GCN1: variants seen among roughly 807,000 people sequenced by gnomAD.
The protein encoded by GCN1 is stalled ribosome sensor GCN1.
Under a neutral mutation model 288.4 loss-of-function variants are expected in GCN1, and 90 were observed. The ratio of observed to expected loss-of-function variants is 0.31; its 90% CI spans 0.26 to 0.37. The LOEUF (loss-of-function observed/expected upper bound fraction) is 0.37, where lower values mean the gene tolerates loss of function less well. GCN1 is among the 10% of genes least tolerant of loss of function. GCN1 has a pLI of 1.00. For missense variants in GCN1, 2,586 were observed against 3,419.9 expected (o/e 0.76, Z 6.08); for synonymous variants, 1,386 against 1,420.2 (o/e 0.98, Z 0.54).
intron 57 of GCN1, among the ~76,000 whole-genome samples, chr12:120,129,002 T>C (rs1876718003): frequency 6.6e-6 from 1 of 152,020 alleles, no homozygotes; most frequent in Non-Finnish European, 1.5e-5. Context: ...CACGCCTGGC[T>C]AATTTTTTTG....
intron 2 of GCN1, among the ~76,000 whole-genome samples, chr12:120,189,322 C>T (rs934486294): frequency 6.6e-6 from 1 of 151,612 alleles, no homozygotes; most frequent in Non-Finnish European, 1.5e-5. Context: ...CCACTCGCCT[C>T]GGCCTCCCAA....
At chr12:120,169,295 A>AAAAAAAAAAAAAAAC in intron 15 of GCN1, among the ~76,000 whole-genome samples, 1 of 81,322 alleles carries the variant, frequency 1.2e-5, no homozygotes, top group African/African-American at 9.5e-5. Context: ...AAAAAAAAAA[A>AAAAAAAAAAAAAAAC]GAAAAAAAAA....
At chr12:120,149,459 C>T in intron 36 of GCN1, 147 bp downstream of exon 36, 1 of 615,012 alleles carries the variant, frequency 1.6e-6, no homozygotes, top group East Asian at 2.8e-5. Context: ...AGCAAGACTC[C>T]ATCTCAAATT....
chr12:120,184,732 G>T, intron 3 of GCN1, 92 bp downstream of exon 3: 1 of 919,208 alleles, frequency 1.1e-6, no homozygotes, highest in Non-Finnish European at 1.8e-6. Flanking sequence ...TTGGCACCAG[G>T]CAGTCTGGCT....
In GCN1 at chr12:120,150,057, A is replaced by T; in HGVS notation, c.4310-14T>A. 2 of 1,613,468 alleles carry T rather than the reference A, an allele frequency of 1.2e-6. No homozygotes were observed. The highest frequency in any genetic ancestry group is 1.7e-6 in the Non-Finnish European group (2 of 1,179,828). On this transcript the variant is annotated splice_polypyrimidine_tract_variant and intron_variant, in intron 34 of 57. Transcript: ENST00000300648. ...CAAAGAGGGCTCCTAGGGGAAAAGAAGGTGGGACGGCTGGGAAGAGAATGT... is the reference window on the plus strand; with the variant it reads ...CAAAGAGGGCTCCTAGGGGAAAAGATGGTGGGACGGCTGGGAAGAGAATGT...
chr12:120,173,087 T>C (rs1304538989), intron 14 of GCN1, among the ~76,000 whole-genome samples: 1 of 146,958 alleles, frequency 6.8e-6, no homozygotes, highest in Non-Finnish European at 1.5e-5. Context: ...CAAGACAGAG[T>C]CTTGCTCTGT....
chr12:120,190,457 G>T, intron 1 of GCN1, 57 bp from the exon 2 acceptor site: 2 of 908,566 alleles, frequency 2.2e-6, no homozygotes, highest in Non-Finnish European at 1.9e-6. Flanking sequence ...CTATGAGTGT[G>T]TGTGTTGAGG....
At chr12:120,180,804 C>T (rs150092938) in intron 5 of GCN1, among the ~76,000 whole-genome samples, 1,780 of 150,374 alleles carry the variant, frequency 0.012, 11 homozygotes, top group Non-Finnish European at 0.017. Context: ...CTGGCTAACA[C>T]GGTGAAACCC....
Position 120,155,204 on chromosome 12 carries a change from A to G in GCN1, c.3630+37T>C. 6.2e-7 allele frequency: 1 copy of G among 1,600,358 alleles called. No individual in the cohort carries two copies. The highest frequency in any genetic ancestry group is 8.6e-7 in the Non-Finnish European group (1 of 1,167,658). On this transcript the variant is annotated intron_variant, in intron 30 of 57. Transcript: ENST00000300648. This position sits in a 1 kb window ranked among gnomAD's most constrained non-coding sequence, Gnocchi z 4.9. ...TGAGCAGAGACCCACCCAACCGCAC[A>G]CACCCAGACTGCATCAGGGCTGCAC...
intron 24 of GCN1, among the ~76,000 whole-genome samples, chr12:120,159,041 G>A (rs1222350651): frequency 2.6e-5 from 4 of 151,534 alleles, no homozygotes; most frequent in African/African-American, 4.9e-5. Flanking sequence ...TTTCTGCTTC[G>A]CCAAAATGTC....
At position 120,129,454 on chromosome 12, in the gene GCN1, T is replaced by A. The variant is rs764611770; in HGVS notation, c.7712A>T (p.Glu2571Val). 4 of 1,614,082 alleles carry A rather than the reference T, an allele frequency of 2.5e-6. No homozygotes were observed. The highest frequency in any genetic ancestry group is 3.4e-6 in the Non-Finnish European group (4 of 1,179,938). Residue 2571 changes from glutamate to valine, a missense_variant, in exon 57 of 58, where the codon GAG becomes GTG. Transcript: ENST00000300648. ...NPSSDIRLVA[E>V]KMIWWANKDP... ...CTTATTTGCCCACCAGATCATCTTC[T>A]CAGCCACCAGCCTGATGTCGCTGGA...
chr12:120,164,799 T>C, intron 16 of GCN1, 78 bp from the exon 17 acceptor site: 1 of 844,828 alleles, frequency 1.2e-6, no homozygotes, highest in Non-Finnish European at 1.9e-6. Flanking sequence ...CAGAAATAAC[T>C]GGAATGAACT....
At position 120,157,908 on chromosome 12, in the gene GCN1, G is replaced by A; in HGVS notation, c.3028C>T (p.Leu1010Phe). 1 of 1,614,058 alleles carries A rather than the reference G, an allele frequency of 6.2e-7. No individual in the cohort carries two copies. ...GCCCTCAGCTGGGCTTGGACAGTGA[G>A]GATCTGAAGAATCTGGGCCATCCAC... Reference protein sequence around the residue: ...EEWMAQILQILTVQAQLRASP... With the variant: ...EEWMAQILQIFTVQAQLRASP... The change falls in exon 26 of 58, where the codon CTC (leucine) becomes TTC (phenylalanine). Residue 1010 changes from leucine (L) to phenylalanine (F), a missense_variant. By Grantham distance (22) the Leu-to-Phe change is conservative (BLOSUM62 0). This residue lies in a region of GCN1 where 153 missense variants were observed against 252.0 expected (regional missense o/e 0.61). Coordinates refer to ENST00000300648, the MANE Select transcript of GCN1 (RefSeq NM_006836.2).
rs1877838131 is a variant in GCN1, at chr12:120,158,876, G to A, written c.2750-261C>T. On this transcript the variant is annotated intron_variant, in intron 24 of 57. Transcript: ENST00000300648. This position sits in a 1 kb window ranked among gnomAD's most constrained non-coding sequence, Gnocchi z 4.3. Reference sequence around the variant, plus strand: ...AAATACAAAAAATTAGCTGGGCGTGGTGACGGGCGCCTGTAGTCCCAGCTA... The same window carrying A: ...AAATACAAAAAATTAGCTGGGCGTGATGACGGGCGCCTGTAGTCCCAGCTA... 6.6e-6 allele frequency among the ~76,000 whole-genome samples: 1 copy of A among 151,998 alleles called. No homozygotes were observed. Among genetic ancestry groups the A allele is most frequent in the Non-Finnish European group, 1.5e-5 (1 of 67,998 alleles).
In GCN1 at chr12:120,149,840, C is replaced by T; in HGVS notation, c.4431+82G>A. 3 of 1,570,108 alleles carry T rather than the reference C, an allele frequency of 1.9e-6. No individual in the cohort carries two copies. In the Admixed American group the frequency reaches 5.0e-5, roughly 26 times the overall value. On this transcript the variant is annotated intron_variant, in intron 35 of 57. Transcript: ENST00000300648. The stretch of plus-strand genomic sequence containing the variant: ...TACTGGGGTTCTATTATGTCAGACC[C>T]TGTGCCAAGGCCTGCAGACACAGCT...
In GCN1 at chr12:120,174,118, A is replaced by G; in HGVS notation, c.1145T>C (p.Leu382Pro). Residue 382 changes from leucine (L) to proline (P), a missense_variant, in exon 13 of 58, where the codon CTG (leucine) becomes CCG (proline). By Grantham distance (98) the Leu-to-Pro change is moderately conservative (BLOSUM62 -3). Coordinates refer to ENST00000300648, the MANE Select transcript of GCN1 (RefSeq NM_006836.2). The stretch of plus-strand genomic sequence containing the variant: ...GAACAGCTCAGCCACGATCCCATTC[A>G]GGACCTGACTGGAAGGTCCAGACAC... The part of the protein sequence containing the change: ...HVVSGPSSQV[L>P]NGIVAELFIP... 6.2e-7 allele frequency: 1 copy of G among 1,609,260 alleles called. No homozygotes were observed. The highest frequency in any genetic ancestry group is 8.5e-7 in the Non-Finnish European group (1 of 1,175,532).
rs1406121195 is a variant in GCN1, at chr12:120,144,649, C to T, written c.5342G>A (p.Cys1781Tyr). The change falls in exon 41 of 58, where the codon TGT becomes TAT. Residue 1781 changes from cysteine to tyrosine, a missense_variant. This residue lies in a region of GCN1 where 371 missense variants were observed against 572.6 expected (regional missense o/e 0.65). Transcript: ENST00000300648. The surrounding 1 kb of genome is among the most constrained non-coding windows in gnomAD (Gnocchi z 4.7). Reference sequence around the variant, plus strand: ...GGTCATGGTACCTACTTTGAGGATACAGGGGATGATGGGCCCCACATAAGG... The same window carrying T: ...GGTCATGGTACCTACTTTGAGGATATAGGGGATGATGGGCCCCACATAAGG... Reference protein sequence around the residue: ...FTPYVGPIIPCILKALADENE... With the variant: ...FTPYVGPIIPYILKALADENE... 7 of 1,613,662 alleles carry T rather than the reference C, an allele frequency of 4.3e-6. No homozygotes were observed. Among genetic ancestry groups the T allele is most frequent in the Non-Finnish European group, 5.1e-6 (6 of 1,179,544 alleles).
rs865862017 is a variant in GCN1 at position 120,160,187 on chromosome 12, C to T, written c.2505G>A (p.Gln835=). Residue 835 remains glutamine, a synonymous_variant, in exon 23 of 58, where the codon CAG becomes CAA. Transcript: ENST00000300648. ...CCTGCGCCTCCCTGTCTAGCTGGGC[C>T]TGCAGCATCTCCTTCTGCTTGCTGG... is the stretch of plus-strand genomic sequence containing the variant. ...QLTSKQKEML[Q]AQLDREAQVR... The T allele has an allele frequency of 3.7e-6, 6 of 1,612,372 alleles. No individual in the cohort carries two copies. The East Asian group carries it at 1.3e-4, about 36-fold the overall frequency.
At chr12:120,187,489 T>G (rs1004964171) in intron 2 of GCN1, among the ~76,000 whole-genome samples, 2 of 152,126 alleles carry the variant, frequency 1.3e-5, no homozygotes, top group African/African-American at 4.8e-5. Context: ...GTGCTGGGAT[T>G]CCAGGTGTGA....
Sources: allele counts gnomAD v4.1 joint callset (sites outside exome capture counted in the v4.1 genomes callset), GRCh38; gene constraint gnomAD v4.1.1; regional missense constraint gnomAD v4.1.1; non-coding constraint Gnocchi (gnomAD v3.1); transcripts MANE v1.5; gene names NCBI Gene and HGNC (gene_info 2026-07-23, HGNC 2026-07-21).